RELN: variants seen among roughly 807,000 people sequenced by gnomAD.
RELN encodes the protein reelin.
Under a neutral mutation model 427.6 loss-of-function variants are expected in RELN, and 108 were observed. The observed-to-expected ratio is 0.25, with a 90% CI of 0.22 to 0.30. The LOEUF (loss-of-function observed/expected upper bound fraction) is 0.30. RELN is among the 10% of genes least tolerant of loss of function. RELN has a pLI of 1.00. For synonymous variants in RELN, 1,524 were observed against 1,513.4 expected (o/e 1.01, Z -0.16); for missense variants, 3,715 against 4,302.8 (o/e 0.86, Z 3.82).
intron 51 of RELN, among the ~76,000 whole-genome samples, chr7:103,503,506 G>A (rs1829105117): frequency 6.6e-6 from 1 of 152,196 alleles, no homozygotes; most frequent in Admixed American, 6.5e-5. Flanking sequence ...TGCCTTGGAA[G>A]GCCTGGGCTC....
At chr7:103,576,166 G>C (rs964217399) in intron 28 of RELN, among the ~76,000 whole-genome samples, 2 of 152,188 alleles carry the variant, frequency 1.3e-5, no homozygotes. Context: ...GGGAGGCAGA[G>C]GATGCAGTGA....
chr7:103,487,612 C>T (rs760459494), intron 60 of RELN, among the ~76,000 whole-genome samples: 8 of 152,036 alleles, frequency 5.3e-5, no homozygotes, highest in African/African-American at 7.2e-5. Flanking sequence ...CCGTATTTGC[C>T]GTGTAAAACT....
At chr7:103,829,953 T>C (rs909215645) in intron 3 of RELN, among the ~76,000 whole-genome samples, 6 of 152,050 alleles carry the variant, frequency 3.9e-5, no homozygotes, top group African/African-American at 1.4e-4. Flanking sequence ...GACTGTAGTG[T>C]CAATTCAATT....
rs1033117161 is a variant in RELN, at chr7:103,823,619, T to C, written c.473+9918A>G. Among the ~76,000 whole-genome samples, 18 of 152,234 alleles carry C rather than the reference T, an allele frequency of 1.2e-4. No homozygotes were observed. The East Asian group carries it at 2.9e-3, about 24-fold the overall frequency. Reference sequence around the variant, plus strand: ...CAAATTATACACTAATGTTGCTTCATGTATTTTAGTTATATGTTGCCTTTA... The same window carrying C: ...CAAATTATACACTAATGTTGCTTCACGTATTTTAGTTATATGTTGCCTTTA... On this transcript the variant is annotated intron_variant, in intron 3 of 64. Coordinates refer to ENST00000428762, the MANE Select transcript of RELN (RefSeq NM_005045.4).
intron 1 of RELN, among the ~76,000 whole-genome samples, chr7:103,982,588 T>C (rs1318302130): frequency 6.6e-6 from 1 of 151,820 alleles, no homozygotes; most frequent in Admixed American, 6.6e-5. Flanking sequence ...GCAAGGACCA[T>C]GGCATGGAGT....
At chr7:103,789,241 T>C (rs1197334902) in intron 3 of RELN, among the ~76,000 whole-genome samples, 6 of 152,036 alleles carry the variant, frequency 3.9e-5, no homozygotes, top group Admixed American at 3.9e-4. Context: ...AAATCCCTAG[T>C]AGAAAACCTA....
chr7:103,853,286 A>C (rs1290746510), intron 2 of RELN, among the ~76,000 whole-genome samples: 1 of 152,088 alleles, frequency 6.6e-6, no homozygotes, highest in East Asian at 1.9e-4. Context: ...AAAGATTCTT[A>C]AAAATTTGGG....
At chr7:103,514,086 C>A (rs532393648) in intron 50 of RELN, 5 of 152,068 alleles carry the variant, frequency 3.3e-5, no homozygotes, top group African/African-American at 1.2e-4. Context: ...TAAAAATGAA[C>A]CAGACTGTCT....
intron 20 of RELN, among the ~76,000 whole-genome samples, chr7:103,613,068 G>T (rs1831997469): frequency 1.3e-5 from 2 of 152,120 alleles, no homozygotes. Context: ...TGGAATCTCG[G>T]CCATGTCCTA....
intron 10 of RELN, among the ~76,000 whole-genome samples, chr7:103,695,425 G>A (rs569956330): frequency 6.6e-4 from 100 of 151,952 alleles, no homozygotes; most frequent in African/African-American, 2.4e-3. Flanking sequence ...TAGGTCACTC[G>A]GCAAGTCTCA....
chr7:103,891,949 C>T (rs1413197052), intron 2 of RELN, among the ~76,000 whole-genome samples: 2 of 152,102 alleles, frequency 1.3e-5, no homozygotes, highest in Non-Finnish European at 2.9e-5. Flanking sequence ...GAAGGAAGAA[C>T]ATCGTATGTA....
At position 103,890,160 on chromosome 7, in the gene RELN, G is replaced by A. The variant is rs111297569; in HGVS notation, c.337+26915C>T. ...ACAGGTCTTCACCATTGATACTGCAGTTATACCTATGTCTTGGATCTGCAT... is the reference window on the plus strand; with the variant it reads ...ACAGGTCTTCACCATTGATACTGCAATTATACCTATGTCTTGGATCTGCAT... On this transcript the variant is annotated intron_variant, in intron 2 of 64. Coordinates refer to ENST00000428762, the MANE Select transcript of RELN (RefSeq NM_005045.4). Among the ~76,000 whole-genome samples, 313 of 150,908 alleles carry A rather than the reference G, an allele frequency of 2.1e-3. 3 individuals are homozygous for A. Among genetic ancestry groups the A allele is most frequent in the African/African-American group, 6.8e-3 (279 of 41,044 alleles).
chr7:103,621,939 C>T (rs770427638), intron 20 of RELN, among the ~76,000 whole-genome samples: 15 of 152,142 alleles, frequency 9.9e-5, no homozygotes, highest in Non-Finnish European at 1.6e-4. Context: ...TCACTTGAAC[C>T]TGGGAGGCAG....
At chr7:103,971,152 CAAAAAAAAAA>C (rs559162833) in intron 1 of RELN, among the ~76,000 whole-genome samples, 3 of 81,280 alleles carry the variant, frequency 3.7e-5, no homozygotes, top group Non-Finnish European at 8.5e-5. Flanking sequence ...GACTCTATCT[CAAAAAAAAAA>C]AAAAAAAGAA....
At chr7:103,662,050 A>C (rs1162220799) in intron 11 of RELN, among the ~76,000 whole-genome samples, 1 of 152,222 alleles carries the variant, frequency 6.6e-6, no homozygotes, top group African/African-American at 2.4e-5. Flanking sequence ...TATGTAGAAG[A>C]GAATAAAAAT....
At chr7:103,767,645 C>T (rs759796473) in intron 4 of RELN, among the ~76,000 whole-genome samples, 1 of 152,154 alleles carries the variant, frequency 6.6e-6, no homozygotes, top group Non-Finnish European at 1.5e-5. Flanking sequence ...CTGATTTCTC[C>T]TAGTTCCTTT....
At chr7:103,817,381 CAGGAT>C (rs1305161720) in intron 3 of RELN, among the ~76,000 whole-genome samples, 6 of 152,126 alleles carry the variant, frequency 3.9e-5, no homozygotes, top group Admixed American at 2.0e-4. Flanking sequence ...AAGAGGAGGA[CAGGAT>C]CTAAATATGT....
chr7:103,680,063 G>C (rs1205819654), intron 11 of RELN, among the ~76,000 whole-genome samples: 1 of 152,142 alleles, frequency 6.6e-6, no homozygotes. Context: ...TTTTGGGAGA[G>C]AGAACAGCTG....
intron 11 of RELN, among the ~76,000 whole-genome samples, chr7:103,670,301 T>A (rs1156643718): frequency 2.0e-5 from 3 of 152,152 alleles, no homozygotes; most frequent in Non-Finnish European, 4.4e-5. Flanking sequence ...ACACATCTGA[T>A]TATCTAGTTT....
Sources: allele counts gnomAD v4.1 joint callset (sites outside exome capture counted in the v4.1 genomes callset), GRCh38; gene constraint gnomAD v4.1.1; transcripts MANE v1.5; gene names NCBI Gene and HGNC (gene_info 2026-07-23, HGNC 2026-07-21).